Variants in ZNF214 observed in about 807,000 individuals in gnomAD.
ZNF214 encodes zinc finger protein 214, also known as BWSCR2-associated zinc finger protein 1.
In ZNF214, 43 loss-of-function variants were observed where a neutral mutation model predicts 53.9. The observed-to-expected ratio is 0.80, with a 90% CI of 0.63 to 1.03. ZNF214 has a LOEUF of 1.03. Ranked by LOEUF, ZNF214 falls within the 50% of genes least tolerant of loss-of-function variation. The pLI is 0.00. For missense variants in ZNF214, 724 were observed against 719.1 expected (o/e 1.01, Z -0.08); for synonymous variants, 217 against 229.5 (o/e 0.95, Z 0.49).
chr11:7,015,123 G>C (rs1333421521), intron 1 of ZNF214, among the ~76,000 whole-genome samples: 69 of 136,574 alleles, frequency 5.1e-4, no homozygotes, highest in Non-Finnish European at 1.7e-4. Flanking sequence ...ACAGAGTCTC[G>C]CTCTGTTGCC....
rs140677641 is a variant in ZNF214, at chr11:7,002,037, C to T, written c.128-482G>A. Among the ~76,000 whole-genome samples, 270 of 152,128 alleles carry T rather than the reference C, an allele frequency of 1.8e-3. 1 individual carries two copies. The highest frequency in any genetic ancestry group is 6.2e-3 in the African/African-American group (258 of 41,530). ...TTGGTGTTCTCCTTCCACACTCTCT[C>T]TATGCTTGGCTACACAATTTGCGTT... On this transcript the variant is annotated intron_variant, in intron 2 of 2. Coordinates refer to ENST00000278314, the MANE Select transcript of ZNF214 (RefSeq NM_013249.4).
At chr11:7,012,256 G>A (rs1851622024) in intron 1 of ZNF214, among the ~76,000 whole-genome samples, 2 of 152,094 alleles carry the variant, frequency 1.3e-5, no homozygotes, top group Non-Finnish European at 2.9e-5. Context: ...AACAATAGAG[G>A]TGGCATTAAA....
chr11:7,014,808 A>AC (rs1332749780), intron 1 of ZNF214, among the ~76,000 whole-genome samples: 1 of 146,604 alleles, frequency 6.8e-6, no homozygotes, highest in Non-Finnish European at 1.5e-5. Context: ...CTCTAACAAA[A>AC]AAAAAAAAAA....
intron 1 of ZNF214, chr11:7,019,826 G>C (rs374289316): frequency 3.8e-4 from 58 of 152,356 alleles, no homozygotes; most frequent in African/African-American, 1.4e-3. Context: ...AGCAGGACAG[G>C]TTTGGGCTCC....
chr11:7,012,295 C>T lies in ZNF214; in HGVS notation c.-21+7778G>A. 1.3e-5 allele frequency among the ~76,000 whole-genome samples: 2 copies of T among 151,966 alleles called. 1 individual carries two copies. Among genetic ancestry groups the T allele is most frequent in the East Asian group, 3.8e-4 (2 of 5,196 alleles). On this transcript the variant is annotated intron_variant, in intron 1 of 2. Coordinates refer to ENST00000278314, the MANE Select transcript of ZNF214 (RefSeq NM_013249.4). ...CAAAGACAGAGGTAAGGATTATTTACCAGATAGCATTATGAAAACTGATTA... is the reference window on the plus strand; with the variant it reads ...CAAAGACAGAGGTAAGGATTATTTATCAGATAGCATTATGAAAACTGATTA...
At chr11:7,012,234 C>T (rs1242515672) in intron 1 of ZNF214, among the ~76,000 whole-genome samples, 1 of 151,966 alleles carries the variant, frequency 6.6e-6, no homozygotes, top group African/African-American at 2.4e-5. Context: ...TCTTTATCTA[C>T]AAAAACATAT....
chr11:7,000,335 C>G lies in ZNF214; in HGVS notation c.1348G>C (p.Asp450His), dbSNP rs1851300343. The G allele has an allele frequency of 1.1e-5, 18 of 1,613,186 alleles. No homozygotes were observed. Among genetic ancestry groups the G allele is most frequent in the Non-Finnish European group, 1.4e-5 (17 of 1,179,584 alleles). ...CGAAGATCTGAGCTGTGACTAAAGT[C>G]CTTTCCACAGTCATCACATTTATAA... ...KPYKCDDCGK[D>H]FSHSSDLRIH... Residue 450 changes from aspartate to histidine, a missense_variant, in exon 3 of 3, where the codon GAC (aspartate) becomes CAC (histidine). Transcript: ENST00000278314.
intron 1 of ZNF214, among the ~76,000 whole-genome samples, chr11:7,003,192 C>A (rs969726112): frequency 4.6e-5 from 7 of 151,870 alleles, no homozygotes; most frequent in African/African-American, 1.7e-4. Flanking sequence ...ATTAAAACTG[C>A]CTAAAGTAAT....
At position 7,020,314 on chromosome 11, in the gene ZNF214, T is replaced by C. The variant is rs1445544598; in HGVS notation, c.-262A>G. ...CAAAACACTCAGTCCACACAAACAA[T>C]GGCCGCAGCCCGGCTGGACCGAAAC... is the stretch of plus-strand genomic sequence containing the variant. On this transcript the variant is annotated 5_prime_UTR_variant, in exon 1 of 3. Coordinates refer to ENST00000278314, the MANE Select transcript of ZNF214 (RefSeq NM_013249.4). 3 of 149,480 alleles carry C rather than the reference T, an allele frequency of 2.0e-5. No homozygotes were observed. The highest frequency in any genetic ancestry group is 4.4e-5 in the Non-Finnish European group (3 of 67,474). 9.3% of individuals were successfully genotyped at this position (149,480 alleles called of 1,614,324 possible).
chr11:7,000,395 G>A lies in ZNF214; in HGVS notation c.1288C>T (p.Gln430Ter), dbSNP rs374338241. ...CCTGTATGCACTCTCTGATGAATTT[G>A]AAGATTTGAGCGCTGGGTAAAGCCT... ...GKGFTQRSNL[Q>*]IHQRVHTGEK... Residue 430 changes from glutamine to a stop codon, truncating the protein, a stop_gained, in exon 3 of 3, where the codon CAA becomes TAA. Coordinates refer to ENST00000278314, the MANE Select transcript of ZNF214 (RefSeq NM_013249.4). LOFTEE classifies it high-confidence loss of function. 1 of 1,613,382 alleles carries A rather than the reference G, an allele frequency of 6.2e-7. No individual in the cohort carries two copies. Among genetic ancestry groups the A allele is most frequent in the East Asian group, 2.2e-5 (1 of 44,852 alleles).
intron 1 of ZNF214, among the ~76,000 whole-genome samples, chr11:7,018,528 G>T (rs1851832071): frequency 2.7e-5 from 3 of 110,172 alleles, no homozygotes; most frequent in African/African-American, 6.6e-5. Flanking sequence ...TTGAGAGGGA[G>T]TCTTCCTCTG....
Position 6,998,524 on chromosome 11 carries a change from T to TATCA in ZNF214, c.*1334_*1337dup, listed in dbSNP as rs2133373343. The stretch of plus-strand genomic sequence containing the variant: ...GATCAGATCAAGTTTATCTATTAAC[T>TATCA]ATCAATTATTTTATATTCTTCAGTG... On this transcript the variant is annotated 3_prime_UTR_variant, in exon 3 of 3. Coordinates refer to ENST00000278314, the MANE Select transcript of ZNF214 (RefSeq NM_013249.4). Among the ~76,000 whole-genome samples, 1 of 152,156 alleles carries TATCA rather than the reference T, an allele frequency of 6.6e-6. No homozygotes were observed. Among genetic ancestry groups the TATCA allele is most frequent in the Admixed American group, 6.6e-5 (1 of 15,254 alleles).
Position 6,999,601 on chromosome 11 carries a change from T to A in ZNF214, c.*261A>T. 1 of 260,428 alleles carries A rather than the reference T, an allele frequency of 3.8e-6. No homozygotes were observed. The allele number at this position is 260,428 out of a possible 1,614,324, so 16.1% of individuals were successfully genotyped here. ...GACTAGAATGAAATAGAATGAAGAGTTTTCTCCTTAAATGTTTAATATATT... is the reference window on the plus strand; with the variant it reads ...GACTAGAATGAAATAGAATGAAGAGATTTCTCCTTAAATGTTTAATATATT... On this transcript the variant is annotated 3_prime_UTR_variant, in exon 3 of 3. Coordinates refer to ENST00000278314, the MANE Select transcript of ZNF214 (RefSeq NM_013249.4).
chr11:7,017,718 G>A (rs781015455), intron 1 of ZNF214, among the ~76,000 whole-genome samples: 4 of 145,008 alleles, frequency 2.8e-5, no homozygotes, highest in Non-Finnish European at 6.0e-5. Context: ...CAGTCTGGGC[G>A]ACAGAGCGAG....
At chr11:7,019,263 A>G (rs1824298442) in intron 1 of ZNF214, among the ~76,000 whole-genome samples, 1 of 152,172 alleles carries the variant, frequency 6.6e-6, no homozygotes, top group Admixed American at 6.5e-5. Flanking sequence ...AAGAGGTCCA[A>G]AAGAAGCCTA....
chr11:7,000,925 T>A lies in ZNF214; in HGVS notation c.758A>T (p.Lys253Ile), dbSNP rs756031047. ...GENLCQCSIC[K>I]ACFSQRSDLY... is the part of the protein sequence containing the mutation. ...GTCTGATCTCTGAGAGAAGCATGCT[T>A]TACAGATGGAGCATTGACAGAGGTT... The change falls in exon 3 of 3, where the codon AAA becomes ATA. Residue 253 changes from lysine to isoleucine, a missense_variant. Transcript: ENST00000278314. 14 of 1,613,220 alleles carry A rather than the reference T, an allele frequency of 8.7e-6. No individual in the cohort carries two copies. The East Asian group carries it at 3.1e-4, about 36-fold the overall frequency.
chr11:7,009,882 C>A (rs1260188198), intron 1 of ZNF214, among the ~76,000 whole-genome samples: 1 of 152,060 alleles, frequency 6.6e-6, no homozygotes, highest in Non-Finnish European at 1.5e-5. Flanking sequence ...CATATCATAC[C>A]AGTCAGATGG....
intron 1 of ZNF214, among the ~76,000 whole-genome samples, chr11:7,018,974 C>G (rs1382733207): frequency 6.6e-6 from 1 of 152,154 alleles, no homozygotes; most frequent in Non-Finnish European, 1.5e-5. Flanking sequence ...CGTTTTCTGT[C>G]CAGTCATCCA....
intron 1 of ZNF214, among the ~76,000 whole-genome samples, chr11:7,014,820 CA>C (rs1186246829): frequency 1.1e-5 from 1 of 91,200 alleles, no homozygotes; most frequent in Non-Finnish European, 2.4e-5. Context: ...AAAAAAAAAA[CA>C]AAAAAAAAAC....
Sources: allele counts gnomAD v4.1 joint callset (sites outside exome capture counted in the v4.1 genomes callset), GRCh38; gene constraint gnomAD v4.1.1; transcripts MANE v1.5; gene names NCBI Gene and HGNC (gene_info 2026-07-23, HGNC 2026-07-21).